PVT1: variants seen among roughly 807,000 people sequenced by gnomAD.
PVT1 encodes the protein CXCR4/PVT1 fusion.
At chr8:128,049,090 A>G (rs1342875762) in intron 4 of PVT1, 2 of 499,984 alleles carry the variant, frequency 4.0e-6, no homozygotes, top group East Asian at 5.5e-5. Flanking sequence ...ATTTCTTATC[A>G]GAGGCCCTGA....
At chr8:127,971,488 T>G (rs1456417539) in intron 3 of PVT1, among the ~76,000 whole-genome samples, 1 of 152,158 alleles carries the variant, frequency 6.6e-6, no homozygotes, top group Non-Finnish European at 1.5e-5. Context: ...TCCCATGCAA[T>G]AGCTCCAGCC....
chr8:128,072,200 CT>C, intron 5 of PVT1, among the ~76,000 whole-genome samples: 1 of 152,248 alleles, frequency 6.6e-6, no homozygotes, highest in East Asian at 1.9e-4. Flanking sequence ...CATTGCGCCC[CT>C]CATCAGTAGA....
intron 4 of PVT1, among the ~76,000 whole-genome samples, chr8:128,028,999 C>T (rs1813357201): frequency 6.6e-6 from 1 of 151,568 alleles, no homozygotes; most frequent in Non-Finnish European, 1.5e-5. Flanking sequence ...CATACCACTG[C>T]ACCTGGCTAA....
chr8:127,977,415 G>C (rs1425131597), intron 3 of PVT1, among the ~76,000 whole-genome samples: 1 of 152,108 alleles, frequency 6.6e-6, no homozygotes, highest in East Asian at 1.9e-4. Flanking sequence ...AAGAAACTGT[G>C]GACAGTTCAA....
At chr8:127,984,867 T>TTC (rs1554602070) in intron 3 of PVT1, among the ~76,000 whole-genome samples, 2 of 73,036 alleles carry the variant, frequency 2.7e-5, no homozygotes, top group Non-Finnish European at 5.8e-5. Flanking sequence ...CTTTCTTTCT[T>TTC]TCTTTCTTTC....
chr8:127,878,506 G>A (rs985582282), intron 2 of PVT1, among the ~76,000 whole-genome samples: 3 of 152,150 alleles, frequency 2.0e-5, no homozygotes, highest in Non-Finnish European at 4.4e-5. Flanking sequence ...TCTCTGAAGC[G>A]TTGGTTATTG....
At chr8:128,047,545 A>G (rs1449566843) in intron 4 of PVT1, among the ~76,000 whole-genome samples, 3 of 152,244 alleles carry the variant, frequency 2.0e-5, no homozygotes, top group South Asian at 4.1e-4. Flanking sequence ...AGACCTTGCT[A>G]CTGCTGCAGT....
At chr8:128,069,665 A>G (rs138809182) in intron 4 of PVT1, among the ~76,000 whole-genome samples, 267 of 152,234 alleles carry the variant, frequency 1.8e-3, no homozygotes, top group Middle Eastern at 0.017. Flanking sequence ...GAATCTCCCC[A>G]CACTATCTCC....
At chr8:127,890,831 T>G (rs1431385290) in exon 3 of PVT1, 1 of 152,308 alleles carries the variant, frequency 6.6e-6, no homozygotes, top group African/African-American at 2.4e-5. Context: ...TCTTACAGCT[T>G]GGATGTCCAT....
chr8:127,966,615 G>A (rs933295855), intron 3 of PVT1, among the ~76,000 whole-genome samples: 3 of 152,172 alleles, frequency 2.0e-5, no homozygotes, highest in African/African-American at 7.2e-5. Context: ...TAGCCACGTG[G>A]GGCTGTTGAA....
chr8:128,004,470 G>T lies in PVT1; in HGVS notation n.912+15179G>T, dbSNP rs538869747. On this transcript the variant is annotated intron_variant and non_coding_transcript_variant, in intron 4 of 10. Coordinates refer to ENST00000651587, the Ensembl canonical transcript of PVT1. ...TTGTCCCCTCACTTCCCTCTCTGCC[G>T]AGAGAGTCCTGAGCCCACCCATTAC... Among the ~76,000 whole-genome samples, 5 of 152,278 alleles carry T rather than the reference G, an allele frequency of 3.3e-5. No individual in the cohort carries two copies. In the South Asian group the frequency reaches 1.0e-3, roughly 32 times the overall value.
chr8:128,078,157 G>A (rs1814116162), intron 5 of PVT1, among the ~76,000 whole-genome samples: 1 of 152,300 alleles, frequency 6.6e-6, no homozygotes, highest in South Asian at 2.1e-4. Flanking sequence ...GTTGGAAGAT[G>A]TAGGGTTCTG....
intron 4 of PVT1, among the ~76,000 whole-genome samples, chr8:128,025,802 C>A (rs995648081): frequency 6.6e-6 from 1 of 152,118 alleles, no homozygotes; most frequent in Non-Finnish European, 1.5e-5. Flanking sequence ...TCTCCCAAAC[C>A]CTGTGAATGG....
Position 127,932,437 on chromosome 8 carries a change from A to G in PVT1, n.782+41439A>G, listed in dbSNP as rs1176581234. On this transcript the variant is annotated intron_variant and non_coding_transcript_variant, in intron 3 of 10. Transcript: ENST00000651587. ...GAGGACATGCGAGAACTATTGTCAC[A>G]TGAGTTTTCTTTCTATCCTGTCTGC... 5 of 398,662 alleles carry G rather than the reference A, an allele frequency of 1.3e-5. No individual in the cohort carries two copies. The East Asian group carries it at 1.8e-4, about 14-fold the overall frequency. 24.7% of individuals were successfully genotyped at this position (398,662 alleles called of 1,614,324 possible). A position where few individuals can be genotyped will look rare whatever the true frequency, so the allele number is the denominator to read the frequency against.
intron 2 of PVT1, among the ~76,000 whole-genome samples, chr8:127,819,383 T>A (rs531067251): frequency 2.6e-5 from 4 of 152,218 alleles, no homozygotes; most frequent in Non-Finnish European, 5.9e-5. Flanking sequence ...ACTCTGCATC[T>A]GTATTCAACC....
intron 3 of PVT1, among the ~76,000 whole-genome samples, chr8:127,954,295 C>CTTTTTT (rs11387135): frequency 1.7e-5 from 2 of 116,016 alleles, no homozygotes; most frequent in Non-Finnish European, 3.4e-5. Flanking sequence ...CAAGTACCCA[C>CTTTTTT]TTTTTTTTTT....
intron 3 of PVT1, among the ~76,000 whole-genome samples, chr8:127,900,497 T>C (rs1815745722): frequency 6.6e-6 from 1 of 152,206 alleles, no homozygotes; most frequent in Non-Finnish European, 1.5e-5. Context: ...ACAAATCTAT[T>C]TGAAGATCAC....
chr8:127,967,891 G>A (rs925303327), intron 3 of PVT1, among the ~76,000 whole-genome samples: 7 of 152,226 alleles, frequency 4.6e-5, no homozygotes, highest in Admixed American at 3.9e-4. Flanking sequence ...TGGTCAGTTT[G>A]CCTCCACTGA....
At chr8:127,813,224 AT>A (rs1022873592) in intron 2 of PVT1, among the ~76,000 whole-genome samples, 36 of 146,354 alleles carry the variant, frequency 2.5e-4, no homozygotes, top group Non-Finnish European at 9.0e-5. Flanking sequence ...TATATATATA[AT>A]ATATACAAAT....
Sources: allele counts gnomAD v4.1 joint callset (sites outside exome capture counted in the v4.1 genomes callset), GRCh38; gene constraint gnomAD v4.1.1; transcripts MANE v1.5; gene names NCBI Gene and HGNC (gene_info 2026-07-23, HGNC 2026-07-21).